UNC5C: variants seen among roughly 807,000 people sequenced by gnomAD.
The protein encoded by UNC5C is netrin receptor UNC5C.
A neutral mutation model predicts 99.8 loss-of-function variants in UNC5C; 47 were observed. The observed-to-expected ratio is 0.47, with a 90% CI of 0.37 to 0.60. The LOEUF is 0.60. UNC5C is among the 20% of genes least tolerant of loss of function. The pLI, the probability that UNC5C is intolerant of heterozygous loss-of-function variation, is 0.00. For synonymous variants in UNC5C, 487 were observed against 452.2 expected (o/e 1.08, Z -0.98); for missense variants, 1,062 against 1,165.9 (o/e 0.91, Z 1.30).
intron 1 of UNC5C, among the ~76,000 whole-genome samples, chr4:95,341,072 A>G (rs909583076): frequency 6.6e-6 from 1 of 152,164 alleles, no homozygotes; most frequent in African/African-American, 2.4e-5. Flanking sequence ...ATCACAGAAG[A>G]TAGAATTTGA....
chr4:95,270,130 C>T (rs986061697), intron 4 of UNC5C, among the ~76,000 whole-genome samples: 1 of 152,132 alleles, frequency 6.6e-6, no homozygotes, highest in Non-Finnish European at 1.5e-5. Context: ...TTTCTTATTT[C>T]TCCCACTGGT....
intron 1 of UNC5C, among the ~76,000 whole-genome samples, chr4:95,470,227 C>G (rs535789902): frequency 6.6e-6 from 1 of 152,014 alleles, no homozygotes. Context: ...CTAGGCTACT[C>G]GAGTTCACCT....
chr4:95,219,888 G>A (rs1738403417), intron 8 of UNC5C, 97 bp downstream of exon 8: 1 of 1,318,210 alleles, frequency 7.6e-7, no homozygotes, highest in African/African-American at 1.5e-5. Context: ...TCTTCATGGA[G>A]CTTACATTCT....
At chr4:95,194,822 G>A (rs1737311452) in intron 12 of UNC5C, among the ~76,000 whole-genome samples, 1 of 152,148 alleles carries the variant, frequency 6.6e-6, no homozygotes, top group African/African-American at 2.4e-5. Context: ...GGGGGCAGGG[G>A]TGTTATTCTG....
intron 2 of UNC5C, among the ~76,000 whole-genome samples, chr4:95,314,655 C>A (rs1742404426): frequency 6.6e-6 from 1 of 152,170 alleles, no homozygotes; most frequent in Admixed American, 6.5e-5. Flanking sequence ...ATCATGTCTT[C>A]TGGAGGCTTC....
intron 9 of UNC5C, among the ~76,000 whole-genome samples, chr4:95,216,543 C>A (rs1738259292): frequency 6.7e-6 from 1 of 148,454 alleles, no homozygotes; most frequent in South Asian, 2.1e-4. Context: ...TGCATCATTT[C>A]CATTTTTTTT....
At chr4:95,325,422 T>C (rs2149415156) in intron 2 of UNC5C, among the ~76,000 whole-genome samples, 1 of 151,554 alleles carries the variant, frequency 6.6e-6, no homozygotes, top group South Asian at 2.1e-4. Flanking sequence ...TAAGCAAGAC[T>C]TAAAACAGAA....
chr4:95,282,711 C>T (rs1165584970), intron 3 of UNC5C, among the ~76,000 whole-genome samples: 1 of 152,106 alleles, frequency 6.6e-6, no homozygotes, highest in African/African-American at 2.4e-5. Flanking sequence ...TTCTTCCTGG[C>T]CTCTCTGAGC....
intron 10 of UNC5C, among the ~76,000 whole-genome samples, chr4:95,213,046 T>C (rs1738129270): frequency 6.6e-6 from 1 of 152,226 alleles, no homozygotes; most frequent in Non-Finnish European, 1.5e-5. Flanking sequence ...CGGATCAATC[T>C]TTAAAAAGCG....
chr4:95,242,569 C>A lies in UNC5C; in HGVS notation c.968G>T (p.Ser323Ile). The A allele has an allele frequency of 6.3e-7, 1 of 1,594,880 alleles. No individual in the cohort carries two copies. Among genetic ancestry groups the A allele is most frequent in the Non-Finnish European group, 8.5e-7 (1 of 1,169,692 alleles). Reference protein sequence around the residue: ...CPVDGRWTPWSKWSTCGTECT... With the variant: ...CPVDGRWTPWIKWSTCGTECT... ...CTCAGTTCCACAAGTAGACCACTTG[C>A]TCCATGGCGTCCACCTGCCATCCAC... Residue 323 changes from serine to isoleucine, a missense_variant, in exon 7 of 16, where the codon AGC (serine) becomes ATC (isoleucine). By Grantham distance (142) the Ser-to-Ile change is moderately radical. This residue lies in a region of UNC5C where 810 missense variants were observed against 854.5 expected (regional missense o/e 0.95). Transcript: ENST00000453304.
chr4:95,183,381 AT>A (rs1185627768), intron 13 of UNC5C, among the ~76,000 whole-genome samples: 3 of 81,294 alleles, frequency 3.7e-5, no homozygotes, highest in Admixed American at 1.9e-4. Flanking sequence ...ATTGTAAATG[AT>A]TAAAAAAAAA....
At chr4:95,434,299 T>A (rs571542725) in intron 1 of UNC5C, among the ~76,000 whole-genome samples, 1 of 152,090 alleles carries the variant, frequency 6.6e-6, no homozygotes, top group Non-Finnish European at 1.5e-5. Flanking sequence ...AAATTTATCT[T>A]TTATCTCTTC....
chr4:95,515,379 A>G (rs370274145), intron 1 of UNC5C, among the ~76,000 whole-genome samples: 19 of 152,332 alleles, frequency 1.2e-4, no homozygotes, highest in African/African-American at 4.6e-4. Flanking sequence ...AAATTTAAAC[A>G]CTTAGTAGGT....
At chr4:95,509,489 A>G (rs1284254413) in intron 1 of UNC5C, among the ~76,000 whole-genome samples, 1 of 151,858 alleles carries the variant, frequency 6.6e-6, no homozygotes, top group Non-Finnish European at 1.5e-5. Flanking sequence ...ATCAACAAAT[A>G]AGATGAAGAA....
At chr4:95,508,255 G>A (rs921692219) in intron 1 of UNC5C, among the ~76,000 whole-genome samples, 1 of 152,000 alleles carries the variant, frequency 6.6e-6, no homozygotes, top group Non-Finnish European at 1.5e-5. Flanking sequence ...TTGACATTTT[G>A]TTCCGTTATT....
chr4:95,443,008 G>A (rs1405437878), intron 1 of UNC5C, among the ~76,000 whole-genome samples: 1 of 152,168 alleles, frequency 6.6e-6, no homozygotes, highest in Non-Finnish European at 1.5e-5. Context: ...TGGGGAGCAT[G>A]AGGAGATAAG....
At chr4:95,192,878 T>C (rs1737210866) in intron 12 of UNC5C, among the ~76,000 whole-genome samples, 1 of 152,232 alleles carries the variant, frequency 6.6e-6, no homozygotes, top group Non-Finnish European at 1.5e-5. Flanking sequence ...TTGTGGATTA[T>C]ATGATCCATA....
rs908015860 is a variant in UNC5C at position 95,519,378 on chromosome 4, T to C, written c.124+29356A>G. ...CACCACTCTGATCATTCCAGAATGA[T>C]TAAATGATGTTCCCCCTTAAGAGAC... On this transcript the variant is annotated intron_variant, in intron 1 of 15. Coordinates refer to ENST00000453304, the MANE Select transcript of UNC5C (RefSeq NM_003728.4). 3.3e-5 allele frequency among the ~76,000 whole-genome samples: 5 copies of C among 152,102 alleles called. No individual in the cohort carries two copies. In the East Asian group the frequency reaches 9.6e-4, roughly 29 times the overall value.
intron 1 of UNC5C, among the ~76,000 whole-genome samples, chr4:95,509,381 C>T (rs35984052): frequency 0.069 from 10,422 of 151,694 alleles, 846 homozygotes; most frequent in African/African-American, 0.2. Context: ...TATTTCAGCC[C>T]TCAACTCCTA....
Sources: allele counts gnomAD v4.1 joint callset (sites outside exome capture counted in the v4.1 genomes callset), GRCh38; gene constraint gnomAD v4.1.1; regional missense constraint gnomAD v4.1.1; transcripts MANE v1.5; gene names NCBI Gene and HGNC (gene_info 2026-07-23, HGNC 2026-07-21).